Variants in ARID1B observed in about 807,000 individuals in gnomAD.
ARID1B encodes AT-rich interactive domain-containing protein 1B.
A neutral mutation model predicts 212.3 loss-of-function variants in ARID1B; 30 were observed. The observed-to-expected ratio is 0.14, with a 90% CI of 0.11 to 0.19. ARID1B has a LOEUF of 0.19. ARID1B is among the 10% of genes least tolerant of loss of function. The pLI, the probability that ARID1B is intolerant of heterozygous loss-of-function variation, is 1.00. For synonymous variants in ARID1B, 1,402 were observed against 1,301.7 expected (o/e 1.08, Z -1.66); for missense variants, 2,891 against 3,204.0 (o/e 0.90, Z 2.36).
intron 2 of ARID1B, among the ~76,000 whole-genome samples, chr6:156,893,045 CTTTT>C (rs567719662): frequency 1.2e-5 from 1 of 85,922 alleles, no homozygotes; most frequent in Non-Finnish European, 2.5e-5. Context: ...TTTTTTCTTC[CTTTT>C]TTTTTTTTTT....
At chr6:157,035,062 G>A (rs1781240312) in intron 4 of ARID1B, among the ~76,000 whole-genome samples, 1 of 152,092 alleles carries the variant, frequency 6.6e-6, no homozygotes, top group African/African-American at 2.4e-5. Flanking sequence ...TAGCCACAGG[G>A]AGAGTTCTAA....
chr6:157,151,831 A>G (rs2128643625), intron 8 of ARID1B: 1 of 152,344 alleles, frequency 6.6e-6, no homozygotes, highest in African/African-American at 2.4e-5. Flanking sequence ...CTATGCTTTC[A>G]CTACTGGTTA....
chr6:157,021,478 G>C (rs565027921), intron 4 of ARID1B, among the ~76,000 whole-genome samples: 5 of 152,310 alleles, frequency 3.3e-5, no homozygotes, highest in South Asian at 2.1e-4. Flanking sequence ...GGCCCCGCTC[G>C]CTCCTTTCGG....
At chr6:157,021,486 C>A (rs1246769788) in intron 4 of ARID1B, among the ~76,000 whole-genome samples, 1 of 152,216 alleles carries the variant, frequency 6.6e-6, no homozygotes, top group Non-Finnish European at 1.5e-5. Flanking sequence ...TCGCTCCTTT[C>A]GGCCCGACCC....
In ARID1B at chr6:157,178,553, C is replaced by G. The variant is rs143236818; in HGVS notation, c.3505-2416C>G. Among the ~76,000 whole-genome samples, 671 of 152,260 alleles carry G rather than the reference C, an allele frequency of 4.4e-3. 3 individuals are homozygous for G. Among genetic ancestry groups the G allele is most frequent in the African/African-American group, 0.015 (634 of 41,516 alleles). On this transcript the variant is annotated intron_variant, in intron 11 of 19. Coordinates refer to ENST00000636930, the MANE Select transcript of ARID1B (RefSeq NM_001374828.1). ...TCCGAATTTATCACGTAAACTGAGG[C>G]CTGACCGTGTCAGTTCCCTGCAGAT...
At chr6:157,020,658 AAC>A (rs1397255681) in intron 4 of ARID1B, among the ~76,000 whole-genome samples, 2 of 152,190 alleles carry the variant, frequency 1.3e-5, no homozygotes, top group Non-Finnish European at 2.9e-5. Flanking sequence ...CAAAATATTA[AAC>A]AGTGGTGGTT....
chr6:156,777,906 C>G lies in ARID1B; in HGVS notation c.226C>G (p.Leu76Val). 6.6e-7 allele frequency: 1 copy of G among 1,511,700 alleles called. No individual in the cohort carries two copies. The highest frequency in any genetic ancestry group is 1.4e-5 in the African/African-American group (1 of 71,436). The allele number at this position is 1,511,700 out of a possible 1,614,324, so 93.6% of individuals were successfully genotyped here. A position where few individuals can be genotyped will look rare whatever the true frequency, so the allele number is the denominator to read the frequency against. The change falls in exon 1 of 20, where the codon CTG becomes GTG. Residue 76 changes from leucine (L) to valine (V), a missense_variant. Transcript: ENST00000636930. ...CCTGAACAGTGTGCACCACCACCCC[C>G]TGCTCCCCCGTCACGAACTCAACAT... Reference protein sequence around the residue: ...GGLNSVHHHPLLPRHELNMAH... With the variant: ...GGLNSVHHHPVLPRHELNMAH...
chr6:157,039,616 A>T (rs949773078), intron 4 of ARID1B, among the ~76,000 whole-genome samples: 35 of 123,264 alleles, frequency 2.8e-4, no homozygotes, highest in African/African-American at 1.0e-3. Flanking sequence ...AAAGCTACCT[A>T]CCTTCCTTCC....
intron 5 of ARID1B, among the ~76,000 whole-genome samples, chr6:157,088,866 G>A (rs1432156078): frequency 2.0e-5 from 3 of 152,234 alleles, no homozygotes; most frequent in South Asian, 4.1e-4. Context: ...ATGTAGAGAC[G>A]ACATGCTCTC....
At chr6:156,953,158 C>T (rs1793708997) in intron 4 of ARID1B, among the ~76,000 whole-genome samples, 1 of 152,212 alleles carries the variant, frequency 6.6e-6, no homozygotes, top group South Asian at 2.1e-4. Flanking sequence ...TTTTCCCCTT[C>T]ACAGGGCTTT....
At chr6:157,130,039 TG>T (rs1336538284) in intron 6 of ARID1B, among the ~76,000 whole-genome samples, 1 of 152,046 alleles carries the variant, frequency 6.6e-6, no homozygotes, top group Non-Finnish European at 1.5e-5. Flanking sequence ...CATGATGGCA[TG>T]CACCTGTAAT....
At chr6:157,115,977 G>C (rs1787300503) in intron 6 of ARID1B, among the ~76,000 whole-genome samples, 1 of 152,204 alleles carries the variant, frequency 6.6e-6, no homozygotes, top group African/African-American at 2.4e-5. Context: ...TGGAGGAACA[G>C]TTCAGATAAC....
chr6:156,824,502 C>T (rs1188052903), intron 1 of ARID1B, among the ~76,000 whole-genome samples: 5 of 152,214 alleles, frequency 3.3e-5, no homozygotes, highest in Admixed American at 6.5e-5. Flanking sequence ...CAGCGGCTCA[C>T]GCCTGTAATC....
intron 1 of ARID1B, among the ~76,000 whole-genome samples, chr6:156,815,845 G>A (rs1165796847): frequency 1.3e-5 from 2 of 152,050 alleles, no homozygotes; most frequent in African/African-American, 2.4e-5. Flanking sequence ...AGTAGGCCTG[G>A]GTAACAGTGA....
intron 2 of ARID1B, chr6:156,871,683 T>C (rs368275847): frequency 6.6e-5 from 106 of 1,606,632 alleles, no homozygotes; most frequent in Middle Eastern, 1.6e-4. Flanking sequence ...TCTTACTTGC[T>C]CCAAGTCTTT....
At chr6:157,059,678 A>G (rs976988886) in intron 4 of ARID1B, among the ~76,000 whole-genome samples, 1 of 152,142 alleles carries the variant, frequency 6.6e-6, no homozygotes, top group Non-Finnish European at 1.5e-5. Context: ...GTGACCCTAA[A>G]TTTCCTTAGC....
chr6:157,108,125 A>G lies in ARID1B; in HGVS notation c.2492-2347A>G, dbSNP rs143353002. 5.9e-5 allele frequency: 9 copies of G among 152,342 alleles called. No homozygotes were observed. The East Asian group carries it at 7.7e-4, about 13-fold the overall frequency. The allele number at this position is 152,342 out of a possible 1,614,324, so 9.4% of individuals were successfully genotyped here. ...AAAGATAGGGAGTAAAGGAAAATGAATAAGATGGTTTGGGTGGATCTGTAT... is the reference window on the plus strand; with the variant it reads ...AAAGATAGGGAGTAAAGGAAAATGAGTAAGATGGTTTGGGTGGATCTGTAT... On this transcript the variant is annotated intron_variant, in intron 5 of 19. Coordinates refer to ENST00000636930, the MANE Select transcript of ARID1B (RefSeq NM_001374828.1).
chr6:157,038,426 A>G (rs763638640), intron 4 of ARID1B, among the ~76,000 whole-genome samples: 12 of 152,192 alleles, frequency 7.9e-5, no homozygotes, highest in Non-Finnish European at 1.5e-4. Context: ...TACAGTAATG[A>G]CAGGTAAGAT....
At chr6:157,176,569 G>C (rs1792115411) in intron 11 of ARID1B, among the ~76,000 whole-genome samples, 1 of 152,214 alleles carries the variant, frequency 6.6e-6, no homozygotes, top group Admixed American at 6.5e-5. Context: ...TTAAGGGCCG[G>C]GTGCGGTGGC....
Sources: gnomAD v4.1 joint callset for allele counts (sites outside exome capture counted in the v4.1 genomes callset) on GRCh38, gnomAD v4.1.1 for gene constraint, MANE v1.5 for transcripts, NCBI Gene and HGNC (gene_info 2026-07-23, HGNC 2026-07-21) for gene names.